Variants in DSCAM observed in about 807,000 individuals in gnomAD.
The protein encoded by DSCAM is DS cell adhesion molecule, also known as cell adhesion molecule DSCAM.
In DSCAM, 47 loss-of-function variants were observed where a neutral mutation model predicts 217.7. The ratio of observed to expected loss-of-function variants is 0.22; its 90% CI spans 0.17 to 0.28. DSCAM has a LOEUF of 0.28. DSCAM is among the 10% of genes least tolerant of loss of function. DSCAM has a pLI of 1.00. For synonymous variants in DSCAM, 1,056 were observed against 1,015.3 expected (o/e 1.04, Z -0.76); for missense variants, 2,080 against 2,618.3 (o/e 0.79, Z 4.49).
chr21:40,274,944 T>C (rs1309330171), intron 11 of DSCAM, among the ~76,000 whole-genome samples: 1 of 152,152 alleles, frequency 6.6e-6, no homozygotes, highest in African/African-American at 2.4e-5. Context: ...CACCCCTGAA[T>C]GCCACTTTTA....
chr21:40,045,982 G>A (rs2088835934), intron 30 of DSCAM, among the ~76,000 whole-genome samples: 1 of 152,166 alleles, frequency 6.6e-6, no homozygotes, highest in Non-Finnish European at 1.5e-5. Context: ...GAAGGCAATG[G>A]AAGCTCAGAG....
chr21:40,607,145 C>T (rs1192056495), intron 3 of DSCAM, among the ~76,000 whole-genome samples: 4 of 152,184 alleles, frequency 2.6e-5, no homozygotes, highest in South Asian at 2.1e-4. Flanking sequence ...TAAGAATCCT[C>T]GTGTTTACAT....
chr21:40,520,623 A>G (rs2076351270), intron 3 of DSCAM, among the ~76,000 whole-genome samples: 1 of 152,024 alleles, frequency 6.6e-6, no homozygotes, highest in Non-Finnish European at 1.5e-5. Flanking sequence ...CCTGGCCAAC[A>G]TGGTGAAACC....
intron 3 of DSCAM, among the ~76,000 whole-genome samples, chr21:40,655,402 G>A (rs761935316): frequency 6.6e-6 from 1 of 151,622 alleles, no homozygotes; most frequent in East Asian, 1.9e-4. Context: ...CTTTACATGG[G>A]AGAAGGGCAA....
intron 16 of DSCAM, among the ~76,000 whole-genome samples, chr21:40,152,379 C>A (rs572174311): frequency 6.6e-5 from 10 of 152,210 alleles, no homozygotes; most frequent in Non-Finnish European, 1.3e-4. Context: ...GTTTCTCACA[C>A]AAAGATTGTT....
intron 3 of DSCAM, among the ~76,000 whole-genome samples, chr21:40,517,260 C>A (rs534605142): frequency 4.7e-5 from 7 of 148,214 alleles, no homozygotes; most frequent in South Asian, 4.3e-4. Flanking sequence ...TATATATATA[C>A]CTTATATATT....
At position 40,792,137 on chromosome 21, in the gene DSCAM, C is replaced by CTTTT. The variant is rs67838146; in HGVS notation, c.43+54478_43+54481dup. 2.3e-3 allele frequency among the ~76,000 whole-genome samples: 273 copies of CTTTT among 118,586 alleles called. 2 individuals are homozygous for CTTTT. Among genetic ancestry groups the CTTTT allele is most frequent in the African/African-American group, 6.1e-3 (164 of 26,764 alleles). The allele number at this position is 118,586 out of a possible 152,430, so 77.8% of individuals were successfully genotyped here. ...GGTGTCCTAATCTCTTCTTCTTCTTCTTTTTTTTTTTTTTTTTTTTTGAGA... is the reference window on the plus strand; with the variant it reads ...GGTGTCCTAATCTCTTCTTCTTCTTCTTTTTTTTTTTTTTTTTTTTTTTTTGAGA... On this transcript the variant is annotated intron_variant, in intron 1 of 32. Coordinates refer to ENST00000400454, the MANE Select transcript of DSCAM (RefSeq NM_001389.5).
intron 3 of DSCAM, among the ~76,000 whole-genome samples, chr21:40,556,691 ATCAGCTCTGGAGGGAGC>A (rs2076674629): frequency 2.0e-5 from 3 of 152,062 alleles, no homozygotes; most frequent in Non-Finnish European, 4.4e-5. Flanking sequence ...CTTTTTAAAT[ATCAGCTCTGGAGGGAGC>A]TCACAGAGTG....
chr21:40,809,906 A>G (rs928772795), intron 1 of DSCAM, among the ~76,000 whole-genome samples: 2 of 152,210 alleles, frequency 1.3e-5, no homozygotes, highest in South Asian at 4.1e-4. Flanking sequence ...GAGACAAGAC[A>G]TTTAGCTACA....
intron 9 of DSCAM, among the ~76,000 whole-genome samples, chr21:40,308,121 A>G (rs1007927370): frequency 6.6e-6 from 1 of 152,188 alleles, no homozygotes; most frequent in Non-Finnish European, 1.5e-5. Context: ...ACAACAACAA[A>G]AAAGAAAAGT....
intron 15 of DSCAM, among the ~76,000 whole-genome samples, chr21:40,171,208 G>T (rs1410421294): frequency 1.3e-5 from 2 of 152,148 alleles, no homozygotes; most frequent in Non-Finnish European, 2.9e-5. Context: ...CTCCCAAGTA[G>T]TTGGGATTAC....
intron 3 of DSCAM, among the ~76,000 whole-genome samples, chr21:40,620,518 AGCAGGCAG>A (rs140544756): frequency 2.0e-5 from 3 of 150,208 alleles, no homozygotes; most frequent in Admixed American, 6.7e-5. Flanking sequence ...GAGGAAGGCA[AGCAGGCAG>A]GCAGGCAGGC....
At chr21:40,294,869 G>A (rs1410453630) in intron 10 of DSCAM, among the ~76,000 whole-genome samples, 1 of 152,162 alleles carries the variant, frequency 6.6e-6, no homozygotes, top group Non-Finnish European at 1.5e-5. Flanking sequence ...CTTTGCACAT[G>A]GACAGTGGAT....
chr21:40,191,470 T>C (rs1204228325), intron 11 of DSCAM, among the ~76,000 whole-genome samples: 1 of 152,208 alleles, frequency 6.6e-6, no homozygotes, highest in Non-Finnish European at 1.5e-5. Context: ...CCTTTGGTTC[T>C]GATCCCCCCC....
chr21:40,231,942 A>G (rs890764759), intron 11 of DSCAM, among the ~76,000 whole-genome samples: 2 of 152,246 alleles, frequency 1.3e-5, no homozygotes, highest in Non-Finnish European at 2.9e-5. Flanking sequence ...GAGCAGCACA[A>G]TGAGAAACTG....
chr21:40,135,450 G>C (rs764040123), intron 18 of DSCAM, among the ~76,000 whole-genome samples: 9 of 152,232 alleles, frequency 5.9e-5, no homozygotes, highest in Non-Finnish European at 1.3e-4. Flanking sequence ...AGGAAGTCGA[G>C]GGACAGAGAG....
intron 3 of DSCAM, among the ~76,000 whole-genome samples, chr21:40,470,794 T>A (rs939853808): frequency 1.3e-5 from 2 of 152,132 alleles, no homozygotes; most frequent in Admixed American, 6.6e-5. Context: ...ACTAAAGGGA[T>A]CCTCCTGCCT....
At chr21:40,294,327 G>C (rs1377273469) in intron 10 of DSCAM, among the ~76,000 whole-genome samples, 1 of 152,144 alleles carries the variant, frequency 6.6e-6, no homozygotes, top group Non-Finnish European at 1.5e-5. Flanking sequence ...GTTAACATAA[G>C]ATAAAACATG....
intron 1 of DSCAM, among the ~76,000 whole-genome samples, chr21:40,710,181 GT>G (rs11435924): frequency 6.6e-6 from 1 of 151,686 alleles, no homozygotes; most frequent in Non-Finnish European, 1.5e-5. Context: ...TTTTGATGGG[GT>G]TTTTTTTCTT....
Sources: gnomAD v4.1 joint callset for allele counts (sites outside exome capture counted in the v4.1 genomes callset) on GRCh38, gnomAD v4.1.1 for gene constraint, MANE v1.5 for transcripts, NCBI Gene and HGNC (gene_info 2026-07-23, HGNC 2026-07-21) for gene names.